Variants in C8orf34 observed in about 807,000 individuals in gnomAD.
The protein encoded by C8orf34 is uncharacterized protein C8orf34.
In C8orf34, 65 loss-of-function variants were observed where a neutral mutation model predicts 68.3. The observed-to-expected ratio is 0.95, with a 90% confidence interval of 0.78 to 1.17. C8orf34 has a LOEUF of 1.17. Ranked by LOEUF, C8orf34 falls within the 50% of genes most tolerant of loss-of-function variation. The pLI is 0.00. For synonymous variants in C8orf34, 244 were observed against 241.2 expected (o/e 1.01, Z -0.11); for missense variants, 664 against 655.4 (o/e 1.01, Z -0.14).
At chr8:68,672,254 C>T (rs1163435004) in intron 8 of C8orf34, among the ~76,000 whole-genome samples, 1 of 152,042 alleles carries the variant, frequency 6.6e-6, no homozygotes, top group Non-Finnish European at 1.5e-5. Context: ...CATAGGGACA[C>T]CAAATTTGAC....
chr8:68,407,459 A>G (rs1489177699), intron 1 of C8orf34, among the ~76,000 whole-genome samples: 2 of 152,036 alleles, frequency 1.3e-5, no homozygotes, highest in Non-Finnish European at 2.9e-5. Context: ...GAAATTTGAT[A>G]TATCAGATTC....
chr8:68,747,560 C>T (rs1822544100), intron 10 of C8orf34, among the ~76,000 whole-genome samples: 4 of 150,776 alleles, frequency 2.7e-5, no homozygotes, highest in Non-Finnish European at 5.9e-5. Flanking sequence ...AATCAATGTA[C>T]AAAAATCACA....
At chr8:68,793,733 A>G (rs1824080373) in intron 12 of C8orf34, among the ~76,000 whole-genome samples, 1 of 152,304 alleles carries the variant, frequency 6.6e-6, no homozygotes, top group East Asian at 1.9e-4. Context: ...GGGATAATCT[A>G]TGCAGCAAAC....
At chr8:68,740,639 G>A (rs1822262015) in intron 10 of C8orf34, among the ~76,000 whole-genome samples, 1 of 152,144 alleles carries the variant, frequency 6.6e-6, no homozygotes, top group South Asian at 2.1e-4. Flanking sequence ...GCTGTTGGTG[G>A]GAGTGTAAAT....
chr8:68,592,860 G>A (rs1329668645), intron 7 of C8orf34, among the ~76,000 whole-genome samples: 1 of 151,844 alleles, frequency 6.6e-6, no homozygotes. Flanking sequence ...GCCCACTTTG[G>A]CCTTCCAAAG....
chr8:68,374,557 G>A (rs909386249), intron 1 of C8orf34, among the ~76,000 whole-genome samples: 1 of 152,170 alleles, frequency 6.6e-6, no homozygotes, highest in African/African-American at 2.4e-5. Flanking sequence ...TTCAACGCAA[G>A]CTTTGAAATT....
At chr8:68,583,596 G>A (rs750187983) in intron 7 of C8orf34, among the ~76,000 whole-genome samples, 11 of 152,002 alleles carry the variant, frequency 7.2e-5, no homozygotes, top group Non-Finnish European at 1.2e-4. Flanking sequence ...ATTTCATTGC[G>A]TTAATCCACC....
chr8:68,750,136 T>A (rs115829144), intron 10 of C8orf34, among the ~76,000 whole-genome samples: 1 of 152,110 alleles, frequency 6.6e-6, no homozygotes, highest in East Asian at 1.9e-4. Flanking sequence ...TCCAAACAAA[T>A]TGAAAACAGG....
chr8:68,743,723 G>A (rs994768262), intron 10 of C8orf34, among the ~76,000 whole-genome samples: 59 of 152,310 alleles, frequency 3.9e-4, no homozygotes, highest in South Asian at 1.4e-3. Context: ...CACCTGGCTC[G>A]GAGGGTCCTA....
chr8:68,721,260 C>A, intron 9 of C8orf34, 101 bp from the exon 10 acceptor site: 3 of 719,256 alleles, frequency 4.2e-6, no homozygotes, highest in Non-Finnish European at 4.6e-6. Context: ...TTTTCAACAC[C>A]CAATTCCATC....
chr8:68,421,942 T>C (rs887800728), intron 1 of C8orf34, among the ~76,000 whole-genome samples: 2 of 152,186 alleles, frequency 1.3e-5, no homozygotes, highest in African/African-American at 4.8e-5. Context: ...CAGATGCTTA[T>C]AAAACCATCA....
intron 7 of C8orf34, chr8:68,534,581 G>C (rs1586335692): frequency 2.1e-6 from 2 of 967,384 alleles, no homozygotes; most frequent in East Asian, 2.3e-4. Context: ...ATGTTTCCTA[G>C]AGAAGCCGAT....
intron 7 of C8orf34, among the ~76,000 whole-genome samples, chr8:68,612,500 C>G (rs1302045139): frequency 1.3e-5 from 2 of 152,054 alleles, no homozygotes; most frequent in African/African-American, 2.4e-5. Context: ...TCAAGAAAAA[C>G]CTTTTGATTG....
chr8:68,773,772 G>A (rs1017462378), intron 10 of C8orf34, among the ~76,000 whole-genome samples: 1 of 152,032 alleles, frequency 6.6e-6, no homozygotes, highest in Non-Finnish European at 1.5e-5. Context: ...CCAAACTCCC[G>A]TTGTATGGCC....
In C8orf34 at chr8:68,627,146, A is replaced by G. The variant is rs370468255; in HGVS notation, c.1106-13230A>G. ...TAATCCTAGTCTTTTAGGTTAACCA[A>G]CCTCTCCTGATGACTACCTAGGTAC... On this transcript the variant is annotated intron_variant, in intron 7 of 13. Coordinates refer to ENST00000518698, the MANE Select transcript of C8orf34 (RefSeq NM_052958.4). Among the ~76,000 whole-genome samples the G allele has an allele frequency of 4.8e-4, 73 of 152,128 alleles. 1 individual carries two copies. Among genetic ancestry groups the G allele is most frequent in the East Asian group, 1.2e-3 (6 of 5,164 alleles).
At chr8:68,802,576 G>A (rs1824363085) in intron 12 of C8orf34, among the ~76,000 whole-genome samples, 1 of 150,990 alleles carries the variant, frequency 6.6e-6, no homozygotes, top group South Asian at 2.1e-4. Context: ...TCAGCTCATT[G>A]CAACCTCTGC....
At chr8:68,798,814 A>G (rs12549123) in intron 12 of C8orf34, among the ~76,000 whole-genome samples, 1 of 152,164 alleles carries the variant, frequency 6.6e-6, no homozygotes, top group South Asian at 2.1e-4. Flanking sequence ...GAAAGGTCCA[A>G]TTGATTCCTA....
At chr8:68,588,671 G>C (rs1214797896) in intron 7 of C8orf34, among the ~76,000 whole-genome samples, 1 of 151,602 alleles carries the variant, frequency 6.6e-6, no homozygotes, top group Admixed American at 6.6e-5. Flanking sequence ...AGGGTCATTA[G>C]ATAGGTCTTC....
intron 3 of C8orf34, among the ~76,000 whole-genome samples, chr8:68,450,472 T>C (rs1291970959): frequency 1.3e-5 from 2 of 152,146 alleles, no homozygotes; most frequent in African/African-American, 2.4e-5. Flanking sequence ...TCAATATCTA[T>C]GGCAGATATA....
Sources: gnomAD v4.1 joint callset for allele counts (sites outside exome capture counted in the v4.1 genomes callset) on GRCh38, gnomAD v4.1.1 for gene constraint, MANE v1.5 for transcripts, NCBI Gene and HGNC (gene_info 2026-07-23, HGNC 2026-07-21) for gene names.